CDC42BPG: variants seen among roughly 807,000 people sequenced by gnomAD.
The protein encoded by CDC42BPG is CDC42 binding protein kinase gamma, also known as serine/threonine-protein kinase MRCK gamma.
A neutral mutation model predicts 192.2 loss-of-function variants in CDC42BPG; 157 were observed. The observed-to-expected ratio is 0.82, with a 90% CI of 0.72 to 0.93. The LOEUF is 0.93. Among genes scored for constraint, CDC42BPG ranks in the 40% least tolerant of loss-of-function variants. The probability of loss-of-function intolerance (pLI) is 0.00; values close to 1 mark genes in which losing one functional copy is unlikely to be tolerated. For synonymous variants in CDC42BPG, 981 were observed against 918.5 expected, an observed-to-expected ratio of 1.07 and a Z score of -1.23; for missense variants, 1,992 against 2,122.1, an observed-to-expected ratio of 0.94 and a Z score of 1.20.
At chr11:64,829,204 C>G (rs1263940762) in intron 30 of CDC42BPG, among the ~76,000 whole-genome samples, 2 of 152,060 alleles carry the variant, frequency 1.3e-5, no homozygotes, top group Admixed American at 6.5e-5. Flanking sequence ...TGGTGACAGA[C>G]AGAGACCCTG....
chr11:64,830,684 G>A (rs754459616), intron 28 of CDC42BPG, among the ~76,000 whole-genome samples: 151 of 152,342 alleles, frequency 9.9e-4, no homozygotes, highest in Non-Finnish European at 1.6e-3. Context: ...TGAGAGCCGG[G>A]CCTGGCTCAG....
At chr11:64,839,347 C>G in intron 6 of CDC42BPG, 114 bp from the exon 7 acceptor site, 3 of 1,503,200 alleles carry the variant, frequency 2.0e-6, no homozygotes, top group Non-Finnish European at 2.7e-6. Context: ...CTGCTGCCCA[C>G]CTGGGGCCTG....
At chr11:64,837,116 G>T in intron 9 of CDC42BPG, 97 bp from the exon 10 acceptor site, 1 of 1,081,510 alleles carries the variant, frequency 9.2e-7, no homozygotes, top group Non-Finnish European at 1.4e-6. Flanking sequence ...TTGTGAAACA[G>T]CCAAAACAGA....
intron 2 of CDC42BPG, 32 bp from the exon 3 acceptor site, chr11:64,841,765 A>T: frequency 6.2e-7 from 1 of 1,613,392 alleles, no homozygotes; most frequent in Non-Finnish European, 8.5e-7. Flanking sequence ...GGGTGAGCCC[A>T]GCCCGGTGTG....
At chr11:64,830,961 T>C (rs542327485) in intron 28 of CDC42BPG, among the ~76,000 whole-genome samples, 5 of 152,212 alleles carry the variant, frequency 3.3e-5, no homozygotes, top group Non-Finnish European at 7.3e-5. Flanking sequence ...CCCATGCCTA[T>C]AATTCCAGCA....
At chr11:64,843,985 T>C (rs1477591164) in intron 1 of CDC42BPG, among the ~76,000 whole-genome samples, 5 of 151,752 alleles carry the variant, frequency 3.3e-5, no homozygotes, top group Admixed American at 2.0e-4. Context: ...TCTCCATGAG[T>C]TGTGTGTCTC....
intron 3 of CDC42BPG, among the ~76,000 whole-genome samples, chr11:64,841,193 C>T (rs1284637595): frequency 6.6e-6 from 1 of 151,754 alleles, no homozygotes; most frequent in African/African-American, 2.4e-5. Flanking sequence ...TGGTTCACGC[C>T]TGTAATCCCA....
Position 64,838,064 on chromosome 11 carries a change from G to A in CDC42BPG, c.1205+19C>T, listed in dbSNP as rs1230540391. The A allele has an allele frequency of 4.5e-6, 7 of 1,545,906 alleles. No individual in the cohort carries two copies. Among genetic ancestry groups the A allele is most frequent in the Admixed American group, 3.9e-5 (2 of 50,988 alleles). On this transcript the variant is annotated intron_variant, in intron 9 of 36. Transcript: ENST00000342711. ...GGCAACCCCGAGCCTCCCACCAGGTGTGTGAGGACTAGCCTCACCTGCCTG... is the reference window on the plus strand; with the variant it reads ...GGCAACCCCGAGCCTCCCACCAGGTATGTGAGGACTAGCCTCACCTGCCTG...
chr11:64,836,885 C>G, intron 10 of CDC42BPG, 37 bp downstream of exon 10: 1 of 1,610,042 alleles, frequency 6.2e-7, no homozygotes, highest in South Asian at 1.1e-5. Context: ...GCCCCTAGGG[C>G]CAGCACACCC....
rs1942424287 is a variant in CDC42BPG, at chr11:64,826,520, A to G, written c.4549T>C (p.Ser1517Pro). 1 of 1,604,944 alleles carries G rather than the reference A, an allele frequency of 6.2e-7. No individual in the cohort carries two copies. Among genetic ancestry groups the G allele is most frequent in the Admixed American group, 1.7e-5 (1 of 58,482 alleles). Residue 1517 changes from serine (S) to proline (P), a missense_variant, in exon 36 of 37, where the codon TCT (serine) becomes CCT (proline). Physicochemically the swap from Ser to Pro is moderately conservative, Grantham distance 74. Coordinates refer to ENST00000342711, the MANE Select transcript of CDC42BPG (RefSeq NM_017525.3). ...AGCGATCCCTGGGGGCAGGACACAGACTCGCTGGACAGGGATGTCCAGGGT... is the reference window on the plus strand; with the variant it reads ...AGCGATCCCTGGGGGCAGGACACAGGCTCGCTGGACAGGGATGTCCAGGGT... Reference protein sequence around the residue: ...RKPWTSLSSESVSCPQGSLSP... With the variant: ...RKPWTSLSSEPVSCPQGSLSP...
Position 64,839,525 on chromosome 11 carries a change from G to T in CDC42BPG, c.628C>A (p.Arg210Ser), listed in dbSNP as rs368096382. The T allele has an allele frequency of 1.2e-6, 2 of 1,613,096 alleles. No individual in the cohort carries two copies. The highest frequency in any genetic ancestry group is 1.7e-6 in the Non-Finnish European group (2 of 1,180,002). The change falls in exon 6 of 37, where the codon CGC (arginine) becomes AGC (serine). Residue 210 changes from arginine (R) to serine (S), a missense_variant. Physicochemically the swap from Arg to Ser is moderately radical, Grantham distance 110. Coordinates refer to ENST00000342711, the MANE Select transcript of CDC42BPG (RefSeq NM_017525.3). ...AGGCAGGAGCCGAAGTCAGCCAGGC[G>T]AATGTGCCCGTTCACATCCAGCAGG... ...NVLLDVNGHI[R>S]LADFGSCLRL... is the part of the protein sequence containing the mutation.
intron 11 of CDC42BPG, 73 bp from the exon 12 acceptor site, chr11:64,836,603 G>C: frequency 7.0e-7 from 1 of 1,427,366 alleles, no homozygotes. Context: ...AGTCTCCTTG[G>C]CCTGTTTCCC....
At position 64,835,159 on chromosome 11, in the gene CDC42BPG, G is replaced by A. The variant is rs766965967; in HGVS notation, c.1954-6C>T. 10 of 1,601,798 alleles carry A rather than the reference G, an allele frequency of 6.2e-6. No homozygotes were observed. The South Asian group carries it at 8.8e-5, about 14-fold the overall frequency. On this transcript the variant is annotated splice_region_variant and splice_polypyrimidine_tract_variant and intron_variant, in intron 16 of 36. Transcript: ENST00000342711. The stretch of plus-strand genomic sequence containing the variant: ...TGGGCCAGCTCTGCTTCTAGCTGGG[G>A]CCGGCCAGAGGAAAGGTCAGCCCCA...
rs67018116 is a variant in CDC42BPG at position 64,823,089 on chromosome 11, C to CTT, written c.*1382_*1383dup. Among the ~76,000 whole-genome samples the CTT allele has an allele frequency of 0.013, 1,750 of 137,670 alleles. 23 individuals carry two copies. Among genetic ancestry groups the CTT allele is most frequent in the Non-Finnish European group, 0.019 (1,232 of 64,124 alleles). 90.3% of individuals were successfully genotyped at this position (137,670 alleles called of 152,430 possible). A position where few individuals can be genotyped will look rare whatever the true frequency, so the allele number is the denominator to read the frequency against. ...GTCTTTATTGGTTTCCTTTTCTTTTCTTTTTTTTTTTTTTTGAGACGGAGT... is the reference window on the plus strand; with the variant it reads ...GTCTTTATTGGTTTCCTTTTCTTTTCTTTTTTTTTTTTTTTTTGAGACGGAGT... On this transcript the variant is annotated 3_prime_UTR_variant, in exon 37 of 37. Transcript: ENST00000342711.
chr11:64,832,394 A>C (rs1369797848), intron 27 of CDC42BPG, 34 bp downstream of exon 27: 2 of 1,599,318 alleles, frequency 1.3e-6, no homozygotes, highest in Non-Finnish European at 1.7e-6. Flanking sequence ...GGGGAGGTGG[A>C]TGGTGGCTGC....
At chr11:64,826,983 CA>C (rs1942453541) in intron 34 of CDC42BPG, 66 bp downstream of exon 34, 1 of 1,262,024 alleles carries the variant, frequency 7.9e-7, no homozygotes, top group Non-Finnish European at 1.2e-6. Flanking sequence ...GGCTAGAGCT[CA>C]CCACAGAGGC....
chr11:64,839,329 C>A, intron 6 of CDC42BPG, 96 bp from the exon 7 acceptor site: 4 of 1,542,660 alleles, frequency 2.6e-6, no homozygotes, highest in Non-Finnish European at 3.6e-6. Context: ...CTCTGCCAGG[C>A]TGGCCTGCTG....
At chr11:64,838,504 G>A (rs1943126017) in intron 8 of CDC42BPG, 150 bp downstream of exon 8, 1 of 1,119,460 alleles carries the variant, frequency 8.9e-7, no homozygotes, top group African/African-American at 1.6e-5. Context: ...ATGGTGGCTG[G>A]AACGGGTCAG....
Position 64,823,187 on chromosome 11 carries a change from C to G in CDC42BPG, c.*1286G>C, listed in dbSNP as rs996844583. On this transcript the variant is annotated 3_prime_UTR_variant, in exon 37 of 37. Transcript: ENST00000342711. Reference sequence around the variant, plus strand: ...CTGCAAGCTCCGCCTCCCGGGTTCACGCCATTCTCCTGCCTCAGCCTCCCG... The same window carrying G: ...CTGCAAGCTCCGCCTCCCGGGTTCAGGCCATTCTCCTGCCTCAGCCTCCCG... 6.6e-6 allele frequency among the ~76,000 whole-genome samples: 1 copy of G among 151,364 alleles called. No homozygotes were observed. The highest frequency in any genetic ancestry group is 2.1e-4 in the South Asian group (1 of 4,804).
Sources: gnomAD v4.1 joint callset for allele counts (sites outside exome capture counted in the v4.1 genomes callset) on GRCh38, gnomAD v4.1.1 for gene constraint, MANE v1.5 for transcripts, NCBI Gene and HGNC (gene_info 2026-07-23, HGNC 2026-07-21) for gene names.